The following UBE3A variants were observed in gnomAD, a reference collection of about 807,000 sequenced individuals.
The protein encoded by UBE3A is ubiquitin-protein ligase E3A.
In UBE3A, 6 loss-of-function variants were observed where a neutral mutation model predicts 83.4. The observed-to-expected ratio is 0.07, with a 90% confidence interval of 0.04 to 0.14. The LOEUF (loss-of-function observed/expected upper bound fraction) is 0.14, where lower values mean the gene tolerates loss of function less well. Among genes scored for constraint, UBE3A ranks in the 10% least tolerant of loss-of-function variants. UBE3A has a pLI of 1.00. For synonymous variants in UBE3A, 337 were observed against 355.4 expected, an observed-to-expected ratio of 0.95 and a Z score of 0.58; for missense variants, 456 against 1,036.1, an observed-to-expected ratio of 0.44 and a Z score of 7.69.
chr15:25,339,373 T>C (rs927082128), intron 12 of UBE3A, 116 bp from the exon 13 acceptor site: 4 of 1,295,486 alleles, frequency 3.1e-6, no homozygotes, highest in East Asian at 2.4e-5. Context: ...CAATGCAAAC[T>C]ATACATTAAT....
chr15:25,419,757 TGAGGGA>T (rs1888799820), intron 1 of UBE3A, among the ~76,000 whole-genome samples: 1 of 151,840 alleles, frequency 6.6e-6, no homozygotes, highest in African/African-American at 2.4e-5. Context: ...CCAAAAAGAA[TGAGGGA>T]GAGTAAATGG....
At chr15:25,421,562 T>G (rs1482259764) in intron 1 of UBE3A, among the ~76,000 whole-genome samples, 2 of 151,626 alleles carry the variant, frequency 1.3e-5, no homozygotes, top group East Asian at 3.9e-4. Flanking sequence ...ATAGGGAGAG[T>G]AGGCAATGAA....
intron 4 of UBE3A, among the ~76,000 whole-genome samples, chr15:25,400,438 C>T (rs889557161): frequency 3.9e-5 from 6 of 152,134 alleles, no homozygotes; most frequent in African/African-American, 1.4e-4. Context: ...ACTGTAGTTT[C>T]CTTATTGTAT....
Position 25,336,878 on chromosome 15 carries a change from A to G in UBE3A, c.*2259T>C, listed in dbSNP as rs117943855. ...ACCTGGGCAAAAAAAGTACTTTTAT[A>G]ACATAACATTTGGGGTAGAGGAAGT... On this transcript the variant is annotated 3_prime_UTR_variant, in exon 13 of 13. Transcript: ENST00000648336. The G allele has an allele frequency of 1.8e-4, 28 of 152,316 alleles. No homozygotes were observed. The East Asian group carries it at 4.6e-3, about 25-fold the overall frequency. 9.4% of individuals were successfully genotyped at this position (152,316 alleles called of 1,614,324 possible).
At chr15:25,387,989 A>C (rs1329002285) in intron 4 of UBE3A, among the ~76,000 whole-genome samples, 1 of 152,236 alleles carries the variant, frequency 6.6e-6, no homozygotes, top group African/African-American at 2.4e-5. Context: ...CTAAAAGAGA[A>C]GGCATCAGGC....
chr15:25,408,233 AC>A (rs2089149005), intron 3 of UBE3A: 1 of 217,038 alleles, frequency 4.6e-6, no homozygotes, highest in African/African-American at 2.3e-5. Context: ...ACAAACATAA[AC>A]TATGAAATAT....
At chr15:25,379,274 C>T (rs2081758488) in intron 4 of UBE3A, among the ~76,000 whole-genome samples, 1 of 152,210 alleles carries the variant, frequency 6.6e-6, no homozygotes, top group Admixed American at 6.5e-5. Flanking sequence ...TTGTTACTAT[C>T]ACCCTCACAA....
chr15:25,402,445 T>G (rs2087380060), intron 4 of UBE3A, among the ~76,000 whole-genome samples: 1 of 152,202 alleles, frequency 6.6e-6, no homozygotes, highest in Non-Finnish European at 1.5e-5. Flanking sequence ...ACCCTTGTTC[T>G]GCAGTGATGT....
At chr15:25,376,064 G>A (rs1383435395) in intron 4 of UBE3A, among the ~76,000 whole-genome samples, 2 of 152,154 alleles carry the variant, frequency 1.3e-5, no homozygotes, top group Non-Finnish European at 2.9e-5. Context: ...ATGTGCTTAA[G>A]TTGTTTAGTA....
At chr15:25,343,056 T>C (rs2075117500) in intron 11 of UBE3A, among the ~76,000 whole-genome samples, 1 of 152,010 alleles carries the variant, frequency 6.6e-6, no homozygotes, top group South Asian at 2.1e-4. Flanking sequence ...AATCAGAAAG[T>C]GGTGATTCTG....
intron 4 of UBE3A, among the ~76,000 whole-genome samples, chr15:25,390,225 A>G: frequency 6.6e-6 from 1 of 152,220 alleles, no homozygotes; most frequent in East Asian, 1.9e-4. Flanking sequence ...GTCATATTAG[A>G]AGACAGTTTG....
chr15:25,415,826 G>C lies in UBE3A; in HGVS notation c.-164-3855C>G, dbSNP rs1474896116. 6 of 121,074 alleles carry C rather than the reference G, an allele frequency of 5.0e-5. No individual in the cohort carries two copies. The Admixed American group carries it at 5.4e-4, about 11-fold the overall frequency. The allele number at this position is 121,074 out of a possible 1,614,324, so 7.5% of individuals were successfully genotyped here. A position where few individuals can be genotyped will look rare whatever the true frequency, so the allele number is the denominator to read the frequency against. ...GTAATAATGGTGACTATGTTTTCTT[G>C]ACACCATACCTCCCCTCTACAAGAA... is the stretch of plus-strand genomic sequence containing the variant. On this transcript the variant is annotated intron_variant, in intron 1 of 12. Coordinates refer to ENST00000648336, the MANE Select transcript of UBE3A (RefSeq NM_130839.5).
rs1253223314 is a variant in UBE3A, at chr15:25,338,196, TA to T, written c.*940del. ...TAAGTAATTAATAAAAACTCTATCT[TA>T]AGTGCACTTTCACATGCTTTTTGTT... On this transcript the variant is annotated 3_prime_UTR_variant, in exon 13 of 13. Coordinates refer to ENST00000648336, the MANE Select transcript of UBE3A (RefSeq NM_130839.5). 6.6e-6 allele frequency: 1 copy of T among 152,132 alleles called. No homozygotes were observed. Among genetic ancestry groups the T allele is most frequent in the African/African-American group, 2.4e-5 (1 of 41,442 alleles). The allele number at this position is 152,132 out of a possible 1,614,324, so 9.4% of individuals were successfully genotyped here.
intron 11 of UBE3A, among the ~76,000 whole-genome samples, chr15:25,350,390 T>C (rs1164877502): frequency 2.0e-5 from 3 of 151,594 alleles, no homozygotes; most frequent in African/African-American, 7.3e-5. Flanking sequence ...GAATTATTCA[T>C]GGAATTTTCT....
At chr15:25,378,303 CAGA>C (rs2081569703) in intron 4 of UBE3A, among the ~76,000 whole-genome samples, 1 of 152,100 alleles carries the variant, frequency 6.6e-6, no homozygotes, top group African/African-American at 2.4e-5. Flanking sequence ...ACTGAAAAAT[CAGA>C]AGATCTGCAT....
At chr15:25,388,804 G>A (rs34050354) in intron 4 of UBE3A, among the ~76,000 whole-genome samples, 1 of 152,086 alleles carries the variant, frequency 6.6e-6, no homozygotes, top group East Asian at 1.9e-4. Flanking sequence ...AAAGTTAATA[G>A]CTTTCCTGTA....
chr15:25,398,778 T>TATATATATATATATATATATATAC (rs1223228941), intron 4 of UBE3A, among the ~76,000 whole-genome samples: 4 of 22,324 alleles, frequency 1.8e-4, no homozygotes, highest in Non-Finnish European at 2.4e-4. Context: ...TATTTATATA[T>TATATATATATATATATATATATAC]ATATATATAT....
chr15:25,409,069 T>A lies in UBE3A; in HGVS notation c.20+19A>T. The stretch of plus-strand genomic sequence containing the variant: ...TACAATGACAGCCTTTTAAAGGCTG[T>A]AAAATAATTCAAAATTACCTTTTAC... On this transcript the variant is annotated intron_variant, in intron 3 of 12. Transcript: ENST00000648336. The A allele has an allele frequency of 6.3e-7, 1 of 1,582,204 alleles. No individual in the cohort carries two copies. Among genetic ancestry groups the A allele is most frequent in the South Asian group, 1.1e-5 (1 of 87,068 alleles).
chr15:25,395,543 C>T (rs2152984215), intron 4 of UBE3A, among the ~76,000 whole-genome samples: 1 of 152,264 alleles, frequency 6.6e-6, no homozygotes, highest in East Asian at 1.9e-4. Context: ...TCCAAGGCTT[C>T]TGGCTGCACA....
Sources: allele counts gnomAD v4.1 joint callset (sites outside exome capture counted in the v4.1 genomes callset), GRCh38; gene constraint gnomAD v4.1.1; transcripts MANE v1.5; gene names NCBI Gene and HGNC (gene_info 2026-07-23, HGNC 2026-07-21).